The following FSCN1 variants were observed in gnomAD, a reference collection of about 807,000 sequenced individuals.
FSCN1 encodes fascin.
A neutral mutation model predicts 39.7 loss-of-function variants in FSCN1; 10 were observed. The observed-to-expected ratio is 0.25, with a 90% CI of 0.16 to 0.43. The LOEUF (loss-of-function observed/expected upper bound fraction) is 0.43. Ranked by LOEUF, FSCN1 falls within the 20% of genes least tolerant of loss-of-function variation. The probability of loss-of-function intolerance (pLI) is 1.00; values close to 1 mark genes in which losing one functional copy is unlikely to be tolerated. For synonymous variants in FSCN1, 322 were observed against 320.0 expected, an observed-to-expected ratio of 1.01 and a Z score of -0.07; for missense variants, 525 against 723.8, an observed-to-expected ratio of 0.73 and a Z score of 3.15.
rs1390572352 is a variant in FSCN1 at position 5,599,184 on chromosome 7, A to G, written c.833-4073A>G. Among the ~76,000 whole-genome samples, 2 of 152,032 alleles carry G rather than the reference A, an allele frequency of 1.3e-5. No individual in the cohort carries two copies. Among genetic ancestry groups the G allele is most frequent in the Non-Finnish European group, 2.9e-5 (2 of 67,992 alleles). ...GTGCTTGGCTGGGGTGTGGTGGCTG[A>G]GCCAGCCCACCCAGTGCGGTGGATG... On this transcript the variant is annotated intron_variant, in intron 1 of 4. Coordinates refer to ENST00000382361, the MANE Select transcript of FSCN1 (RefSeq NM_003088.4). This position sits in a 1 kb window ranked among gnomAD's most constrained non-coding sequence, Gnocchi z 5.6.
rs764545572 is a variant in FSCN1, at chr7:5,593,353, C to T, written c.417C>T (p.His139=). ...AEKWSVHIAM[H]PQVNIYSVTR... is the part of the protein sequence containing the mutation. ...AGTGGAGCGTGCACATCGCCATGCA[C>T]CCTCAGGTCAACATCTACAGCGTCA... The change falls in exon 1 of 5, where the codon CAC becomes CAT. Residue 139 remains histidine (H), a synonymous_variant. Transcript: ENST00000382361. 4 of 1,612,366 alleles carry T rather than the reference C, an allele frequency of 2.5e-6. No homozygotes were observed. Among genetic ancestry groups the T allele is most frequent in the African/African-American group, 2.7e-5 (2 of 75,058 alleles).
intron 1 of FSCN1, among the ~76,000 whole-genome samples, chr7:5,600,239 C>G (rs746888374): frequency 6.6e-6 from 1 of 151,818 alleles, no homozygotes; most frequent in African/African-American, 2.4e-5. Context: ...TAATGAAACT[C>G]CGTCTCTACT....
chr7:5,600,641 G>A (rs1022692883), intron 1 of FSCN1, among the ~76,000 whole-genome samples: 3 of 147,768 alleles, frequency 2.0e-5, no homozygotes, highest in East Asian at 2.0e-4. Context: ...ACAGGCGCCC[G>A]GCACCACCCC....
intron 4 of FSCN1, among the ~76,000 whole-genome samples, chr7:5,604,767 C>G (rs780303149): frequency 1.3e-5 from 2 of 152,208 alleles, no homozygotes; most frequent in Admixed American, 6.5e-5. Context: ...TCCCGAGTAG[C>G]TGGGACTATG....
Position 5,604,043 on chromosome 7 carries a change from G to C in FSCN1, c.1279+13G>C. On this transcript the variant is annotated intron_variant, in intron 4 of 4. Transcript: ENST00000382361. ...TACAACATCAAAGGCAGGTTCTCCTGTGGGCAGCTGCTGGGCAGGGAACCC... is the reference window on the plus strand; with the variant it reads ...TACAACATCAAAGGCAGGTTCTCCTCTGGGCAGCTGCTGGGCAGGGAACCC... 6.2e-7 allele frequency: 1 copy of C among 1,611,346 alleles called. No individual in the cohort carries two copies. Among genetic ancestry groups the C allele is most frequent in the Admixed American group, 1.7e-5 (1 of 59,988 alleles).
intron 1 of FSCN1, among the ~76,000 whole-genome samples, chr7:5,601,197 CTTTTTTTTTTT>C (rs534109521): frequency 1.7e-5 from 2 of 115,554 alleles, no homozygotes; most frequent in African/African-American, 3.4e-5. Context: ...TTCTTTCTTC[CTTTTTTTTTTT>C]TTTTTTTTTT....
At chr7:5,601,006 G>T (rs1228136512) in intron 1 of FSCN1, among the ~76,000 whole-genome samples, 1 of 121,212 alleles carries the variant, frequency 8.3e-6, no homozygotes, top group Non-Finnish European at 1.7e-5. Flanking sequence ...GGCCAGGCTG[G>T]TCTCAAACTC....
intron 1 of FSCN1, among the ~76,000 whole-genome samples, chr7:5,598,809 C>T (rs923690452): frequency 1.3e-5 from 2 of 152,210 alleles, no homozygotes; most frequent in African/African-American, 2.4e-5. Flanking sequence ...AACTTCCCTC[C>T]GATCAGCGGG....
chr7:5,594,601 G>T (rs1785697421), intron 1 of FSCN1: 1 of 152,106 alleles, frequency 6.6e-6, no homozygotes, highest in African/African-American at 2.4e-5. Flanking sequence ...CCGGGCCCAG[G>T]GCTCGGGTCC....
intron 1 of FSCN1, chr7:5,594,049 C>G (rs182893517): frequency 9.6e-5 from 38 of 396,952 alleles, no homozygotes; most frequent in Middle Eastern, 1.3e-3. Context: ...CTCCTAACCC[C>G]CCCCCCCGCC....
rs1260191553 is a variant in FSCN1, at chr7:5,605,746, G to T, written c.*272G>T. The T allele has an allele frequency of 2.3e-6, 1 of 435,230 alleles. No homozygotes were observed. Among genetic ancestry groups the T allele is most frequent in the Non-Finnish European group, 4.1e-6 (1 of 242,258 alleles). The allele number at this position is 435,230 out of a possible 1,614,324, so 27.0% of individuals were successfully genotyped here. On this transcript the variant is annotated 3_prime_UTR_variant, in exon 5 of 5. Coordinates refer to ENST00000382361, the MANE Select transcript of FSCN1 (RefSeq NM_003088.4). This position sits in a 1 kb window ranked among gnomAD's most constrained non-coding sequence, Gnocchi z 6.9. ...CCCCTGCCCTCTTGTCTGCCACGGGGCGAGTCTGGCACCTCTTTCTTCTGA... is the reference window on the plus strand; with the variant it reads ...CCCCTGCCCTCTTGTCTGCCACGGGTCGAGTCTGGCACCTCTTTCTTCTGA...
At chr7:5,596,102 CTA>C (rs1309993328) in intron 1 of FSCN1, among the ~76,000 whole-genome samples, 1 of 150,270 alleles carries the variant, frequency 6.7e-6, no homozygotes, top group East Asian at 2.0e-4. Flanking sequence ...TATCTCGTTT[CTA>C]TGTCAGCCAA....
In FSCN1 at chr7:5,592,933, C is replaced by G. The variant is rs1785659468; in HGVS notation, c.-4C>G. On this transcript the variant is annotated 5_prime_UTR_variant, in exon 1 of 5. Coordinates refer to ENST00000382361, the MANE Select transcript of FSCN1 (RefSeq NM_003088.4). This position sits in a 1 kb window ranked among gnomAD's most constrained non-coding sequence, Gnocchi z 5.3. ...CGCGCAGCGGCCTCTCGTCTACTGC[C>G]ACCATGACCGCCAACGGCACAGCCG... 1 of 1,510,144 alleles carries G rather than the reference C, an allele frequency of 6.6e-7. No homozygotes were observed. The highest frequency in any genetic ancestry group is 2.2e-5 in the Admixed American group (1 of 45,332). The allele number at this position is 1,510,144 out of a possible 1,614,324, so 93.5% of individuals were successfully genotyped here.
intron 1 of FSCN1, chr7:5,594,659 A>G (rs1785698560): frequency 6.6e-6 from 1 of 151,536 alleles, no homozygotes; most frequent in Non-Finnish European, 1.5e-5. Flanking sequence ...CGGCCCGGGA[A>G]CGGCGTGGCG....
At chr7:5,601,122 T>C (rs1785822280) in intron 1 of FSCN1, among the ~76,000 whole-genome samples, 1 of 151,544 alleles carries the variant, frequency 6.6e-6, no homozygotes, top group Admixed American at 6.6e-5. Flanking sequence ...CATGGAATCA[T>C]GTAAAGATGC....
intron 1 of FSCN1, among the ~76,000 whole-genome samples, chr7:5,597,293 G>A (rs967296132): frequency 6.6e-6 from 1 of 152,168 alleles, no homozygotes; most frequent in African/African-American, 2.4e-5. Flanking sequence ...CACTTGAGCC[G>A]GGGAGTTTGA....
chr7:5,603,395 A>G lies in FSCN1; in HGVS notation c.971A>G (p.Gln324Arg). The change falls in exon 2 of 5, where the codon CAG becomes CGG. Residue 324 changes from glutamine (Q) to arginine (R), a missense_variant. This residue lies in a region of FSCN1 where 275 missense variants were observed against 351.9 expected (regional missense o/e 0.78). Transcript: ENST00000382361. This position sits in a 1 kb window ranked among gnomAD's most constrained non-coding sequence, Gnocchi z 8.5. ...YWTLTATGGV[Q>R]STASSKNASC... ...ACGCTGACGGCCACCGGGGGCGTGC[A>G]GTCCACCGCCTCCAGCAAGTGAGTG... 6.2e-7 allele frequency: 1 copy of G among 1,613,616 alleles called. No individual in the cohort carries two copies. Among genetic ancestry groups the G allele is most frequent in the Non-Finnish European group, 8.5e-7 (1 of 1,180,002 alleles).
chr7:5,595,174 G>A (rs1265289541), intron 1 of FSCN1, among the ~76,000 whole-genome samples: 1 of 152,230 alleles, frequency 6.6e-6, no homozygotes, highest in South Asian at 2.1e-4. Flanking sequence ...CCCCCTCTTG[G>A]CTGTGGGCTC....
At chr7:5,595,239 T>C (rs1584298318) in intron 1 of FSCN1, among the ~76,000 whole-genome samples, 1 of 152,020 alleles carries the variant, frequency 6.6e-6, no homozygotes, top group African/African-American at 2.4e-5. Context: ...GAGGCCTGGG[T>C]GGGGTAATGG....
Sources: allele counts gnomAD v4.1 joint callset (sites outside exome capture counted in the v4.1 genomes callset), GRCh38; gene constraint gnomAD v4.1.1; regional missense constraint gnomAD v4.1.1; non-coding constraint Gnocchi (gnomAD v3.1); transcripts MANE v1.5; gene names NCBI Gene and HGNC (gene_info 2026-07-23, HGNC 2026-07-21).